Variants in C9orf152 observed in about 807,000 individuals in gnomAD.
C9orf152 encodes uncharacterized protein C9orf152.
A neutral mutation model predicts 8.5 loss-of-function variants in C9orf152; 8 were observed. The observed-to-expected ratio is 0.94, with a 90% CI of 0.55 to 1.70. The LOEUF (loss-of-function observed/expected upper bound fraction) is 1.70. Ranked by LOEUF, C9orf152 falls within the 40% of genes most tolerant of loss-of-function variation. C9orf152 has a pLI of 0.00. For missense variants in C9orf152, 293 were observed against 286.2 expected (o/e 1.02, Z -0.17); for synonymous variants, 109 against 113.0 (o/e 0.96, Z 0.22).
chr9:110,207,657 G>A lies in C9orf152; in HGVS notation c.-78C>T. ...GGAGAGAGAGGGAGGGGGCAGTGAG[G>A]GAGAAGGAGAAGTGACGGGCAAAAG... On this transcript the variant is annotated 5_prime_UTR_variant, in exon 1 of 2. Transcript: ENST00000400613. 1 of 1,110,220 alleles carries A rather than the reference G, an allele frequency of 9.0e-7. No individual in the cohort carries two copies. Among genetic ancestry groups the A allele is most frequent in the Non-Finnish European group, 1.2e-6 (1 of 807,428 alleles). 68.8% of individuals were successfully genotyped at this position (1,110,220 alleles called of 1,614,324 possible).
In C9orf152 at chr9:110,201,089, G is replaced by A; in HGVS notation, c.579C>T (p.Gly193=). Residue 193 remains glycine, a synonymous_variant, in exon 2 of 2, where the codon GGC becomes GGT. Coordinates refer to ENST00000400613, the MANE Select transcript of C9orf152 (RefSeq NM_001012993.3). ...GNTQTKAVES[G]LKFSTQCPLS... Reference sequence around the variant, plus strand: ...GAGGACATTGAGTGCTGAATTTTAAGCCAGATTCCACTGCCTTTGTTTGGG... The same window carrying A: ...GAGGACATTGAGTGCTGAATTTTAAACCAGATTCCACTGCCTTTGTTTGGG... The A allele has an allele frequency of 6.2e-7, 1 of 1,614,216 alleles. No homozygotes were observed. The highest frequency in any genetic ancestry group is 8.5e-7 in the Non-Finnish European group (1 of 1,180,048).
rs1457461962 is a variant in C9orf152, at chr9:110,207,476, G to A, written c.104C>T (p.Pro35Leu). The change falls in exon 1 of 2, where the codon CCC (proline) becomes CTC (leucine). Residue 35 changes from proline (P) to leucine (L), a missense_variant. Coordinates refer to ENST00000400613, the MANE Select transcript of C9orf152 (RefSeq NM_001012993.3). The stretch of plus-strand genomic sequence containing the variant: ...TCGCAGGAACTGGATGCTGAGTGGG[G>A]GCCCTTTCCCAGGGGCCTGAGTCCT... ...GSRTQAPGKG[P>L]PLSIQFLRAQ... 1.6e-5 allele frequency: 26 copies of A among 1,613,354 alleles called. No homozygotes were observed. Among genetic ancestry groups the A allele is most frequent in the Non-Finnish European group, 1.9e-5 (23 of 1,179,726 alleles).
At chr9:110,203,994 GT>G (rs1837248556) in intron 1 of C9orf152, among the ~76,000 whole-genome samples, 1 of 152,136 alleles carries the variant, frequency 6.6e-6, no homozygotes, top group South Asian at 2.1e-4. Context: ...CTGGTCCTGA[GT>G]TCACCACTGA....
rs750026570 is a variant in C9orf152 at position 110,201,108 on chromosome 9, G to A, written c.560C>T (p.Thr187Ile). 11 of 1,614,216 alleles carry A rather than the reference G, an allele frequency of 6.8e-6. No individual in the cohort carries two copies. The African/African-American group carries it at 1.5e-4, about 22-fold the overall frequency. ...TTTTAAGCCAGATTCCACTGCCTTT[G>A]TTTGGGTATTGCCCACCTGGCATGG... The part of the protein sequence containing the change: ...QLPCQVGNTQ[T>I]KAVESGLKFS... The change falls in exon 2 of 2, where the codon ACA becomes ATA. Residue 187 changes from threonine to isoleucine, a missense_variant. Coordinates refer to ENST00000400613, the MANE Select transcript of C9orf152 (RefSeq NM_001012993.3).
At position 110,200,211 on chromosome 9, in the gene C9orf152, AGAAGGAAGGAAG is replaced by A. The variant is rs59664011; in HGVS notation, c.*725_*736del. 6.0e-3 allele frequency: 828 copies of A among 136,970 alleles called. 11 individuals are homozygous for A. The highest frequency in any genetic ancestry group is 0.012 in the African/African-American group (433 of 36,764). 8.5% of individuals were successfully genotyped at this position (136,970 alleles called of 1,614,324 possible). A position where few individuals can be genotyped will look rare whatever the true frequency, so the allele number is the denominator to read the frequency against. On this transcript the variant is annotated 3_prime_UTR_variant, in exon 2 of 2. Coordinates refer to ENST00000400613, the MANE Select transcript of C9orf152 (RefSeq NM_001012993.3). ...GGAAGGGAGGGAGGGAGGGAGAGACAGAAGGAAGGAAGGAAGGAAGGAAGGAAGGAAGGAAGG... is the reference window on the plus strand; with the variant it reads ...GGAAGGGAGGGAGGGAGGGAGAGACAGAAGGAAGGAAGGAAGGAAGGAAGG...
At position 110,201,277 on chromosome 9, in the gene C9orf152, G is replaced by A; in HGVS notation, c.391C>T (p.Pro131Ser). 6.2e-7 allele frequency: 1 copy of A among 1,614,096 alleles called. No homozygotes were observed. Among genetic ancestry groups the A allele is most frequent in the Non-Finnish European group, 8.5e-7 (1 of 1,180,026 alleles). The change falls in exon 2 of 2, where the codon CCC (proline) becomes TCC (serine). Residue 131 changes from proline to serine, a missense_variant. Coordinates refer to ENST00000400613, the MANE Select transcript of C9orf152 (RefSeq NM_001012993.3). ...LEMHCLVQTS[P>S]QDTSHQVHHR... ...TGTACTTGATGACTGGTGTCCTGGG[G>A]GGAGGTTTGGACCAAACAATGCATC...
Position 110,207,556 on chromosome 9 carries a change from G to C in C9orf152, c.24C>G (p.Cys8Trp). 6.2e-7 allele frequency: 1 copy of C among 1,601,280 alleles called. No individual in the cohort carries two copies. ...GCTGCCAGAAGTGGGGCAGGGCTGGGCACGGGCAGGGCAACCCCTCCATCC... is the reference window on the plus strand; with the variant it reads ...GCTGCCAGAAGTGGGGCAGGGCTGGCCACGGGCAGGGCAACCCCTCCATCC... MEGLPCP[C>W]PALPHFWQLR... Residue 8 changes from cysteine (C) to tryptophan (W), a missense_variant, in exon 1 of 2, where the codon TGC (cysteine) becomes TGG (tryptophan). Cys to Trp is a radical substitution (Grantham distance 215). Transcript: ENST00000400613.
chr9:110,201,420 T>C lies in C9orf152; in HGVS notation c.248A>G (p.Lys83Arg). 4 of 1,547,946 alleles carry C rather than the reference T, an allele frequency of 2.6e-6. No individual in the cohort carries two copies. Among genetic ancestry groups the C allele is most frequent in the Non-Finnish European group, 3.5e-6 (4 of 1,153,794 alleles). The change falls in exon 2 of 2, where the codon AAG becomes AGG. Residue 83 changes from lysine (K) to arginine (R), a missense_variant. By Grantham distance (26) the Lys-to-Arg change is conservative. Transcript: ENST00000400613. ...CAGGGACAGTGAGCTTCTTCTCTCC[T>C]TGTTAATCCAAACAGCATTGACCAT... ...ESMVNAVWIN[K>R]ERRSSLSLEE... is the part of the protein sequence containing the mutation.
At chr9:110,204,065 A>G (rs1174789743) in intron 1 of C9orf152, among the ~76,000 whole-genome samples, 2 of 152,184 alleles carry the variant, frequency 1.3e-5, no homozygotes, top group African/African-American at 4.8e-5. Context: ...TTAAAAAGGG[A>G]GCTACCTTAC....
rs1261773128 is a variant in C9orf152, at chr9:110,199,652, T to G, written c.*1296A>C. On this transcript the variant is annotated 3_prime_UTR_variant, in exon 2 of 2. Coordinates refer to ENST00000400613, the MANE Select transcript of C9orf152 (RefSeq NM_001012993.3). ...ACAAAAGGAATGACAATCCCCAAATTTGAGTGGATTTCTGGGTGGTTCAAG... is the reference window on the plus strand; with the variant it reads ...ACAAAAGGAATGACAATCCCCAAATGTGAGTGGATTTCTGGGTGGTTCAAG... The G allele has an allele frequency of 6.6e-6, 1 of 152,152 alleles. No homozygotes were observed. Among genetic ancestry groups the G allele is most frequent in the Non-Finnish European group, 1.5e-5 (1 of 68,032 alleles). 9.4% of individuals were successfully genotyped at this position (152,152 alleles called of 1,614,324 possible).
rs535904838 is a variant in C9orf152, at chr9:110,199,999, A to G, written c.*949T>C. Reference sequence around the variant, plus strand: ...CTAAACAGGAGGCAGTCTATAGGGAATGTGTATTTTTCAAGTAGGAGCATT... The same window carrying G: ...CTAAACAGGAGGCAGTCTATAGGGAGTGTGTATTTTTCAAGTAGGAGCATT... On this transcript the variant is annotated 3_prime_UTR_variant, in exon 2 of 2. Transcript: ENST00000400613. The G allele has an allele frequency of 6.6e-6, 1 of 152,276 alleles. No individual in the cohort carries two copies. Among genetic ancestry groups the G allele is most frequent in the African/African-American group, 2.4e-5 (1 of 41,552 alleles). The allele number at this position is 152,276 out of a possible 1,614,324, so 9.4% of individuals were successfully genotyped here.
Position 110,200,470 on chromosome 9 carries a change from C to T in C9orf152, c.*478G>A, listed in dbSNP as rs983511589. 1.3e-5 allele frequency: 2 copies of T among 153,634 alleles called. No homozygotes were observed. Among genetic ancestry groups the T allele is most frequent in the African/African-American group, 4.8e-5 (2 of 41,436 alleles). 9.5% of individuals were successfully genotyped at this position (153,634 alleles called of 1,614,324 possible). A position where few individuals can be genotyped will look rare whatever the true frequency, so the allele number is the denominator to read the frequency against. ...GAGATGGCCCCCCAGACATAGCCACCAGAAAAAGCATCTGAATTCTCAGAG... is the reference window on the plus strand; with the variant it reads ...GAGATGGCCCCCCAGACATAGCCACTAGAAAAAGCATCTGAATTCTCAGAG... On this transcript the variant is annotated 3_prime_UTR_variant, in exon 2 of 2. Transcript: ENST00000400613.
chr9:110,206,422 A>G (rs937994155), intron 1 of C9orf152, among the ~76,000 whole-genome samples: 1 of 152,254 alleles, frequency 6.6e-6, no homozygotes, highest in Non-Finnish European at 1.5e-5. Context: ...AATACCCTCA[A>G]GGGTGGGATA....
rs886605790 is a variant in C9orf152 at position 110,207,906 on chromosome 9, C to G, written c.-327G>C. The G allele has an allele frequency of 3.9e-5, 9 of 231,788 alleles. No homozygotes were observed. Among genetic ancestry groups the G allele is most frequent in the South Asian group, 1.9e-4 (2 of 10,578 alleles). The allele number at this position is 231,788 out of a possible 1,614,324, so 14.4% of individuals were successfully genotyped here. On this transcript the variant is annotated 5_prime_UTR_variant, in exon 1 of 2. Transcript: ENST00000400613. ...TAGTGACAAGCGGGGATTAATGGGGCGAGAGAAGAAAGAGAGGGAGGAAGA... is the reference window on the plus strand; with the variant it reads ...TAGTGACAAGCGGGGATTAATGGGGGGAGAGAAGAAAGAGAGGGAGGAAGA...
At chr9:110,204,323 A>G (rs1837251888) in intron 1 of C9orf152, among the ~76,000 whole-genome samples, 1 of 152,226 alleles carries the variant, frequency 6.6e-6, no homozygotes, top group Admixed American at 6.5e-5. Context: ...CTGCATTTCC[A>G]GAAGCTGGAT....
In C9orf152 at chr9:110,200,846, T is replaced by C; in HGVS notation, c.*102A>G. Reference sequence around the variant, plus strand: ...ATTCCTATAATTAGGTTAGTCCAGTTCTTGCTCATAGCTAGAGACCTCGTT... The same window carrying C: ...ATTCCTATAATTAGGTTAGTCCAGTCCTTGCTCATAGCTAGAGACCTCGTT... On this transcript the variant is annotated 3_prime_UTR_variant, in exon 2 of 2. Coordinates refer to ENST00000400613, the MANE Select transcript of C9orf152 (RefSeq NM_001012993.3). 1 of 1,164,404 alleles carries C rather than the reference T, an allele frequency of 8.6e-7. No individual in the cohort carries two copies. The allele number at this position is 1,164,404 out of a possible 1,614,324, so 72.1% of individuals were successfully genotyped here.
At chr9:110,206,860 A>G (rs1024731676) in intron 1 of C9orf152, among the ~76,000 whole-genome samples, 1 of 152,174 alleles carries the variant, frequency 6.6e-6, no homozygotes, top group African/African-American at 2.4e-5. Context: ...TGAGTTCCTA[A>G]AGGGAGGAGG....
intron 1 of C9orf152, among the ~76,000 whole-genome samples, chr9:110,202,501 C>T (rs1340064918): frequency 6.6e-6 from 1 of 152,234 alleles, no homozygotes; most frequent in Non-Finnish European, 1.5e-5. Flanking sequence ...ACAGGCACTG[C>T]TCTGGGAGGA....
intron 1 of C9orf152, among the ~76,000 whole-genome samples, chr9:110,203,649 T>A (rs191584871): frequency 6.6e-6 from 1 of 152,218 alleles, no homozygotes; most frequent in Non-Finnish European, 1.5e-5. Context: ...GGTAATTGAC[T>A]GAAGAGTACA....
Sources: gnomAD v4.1 joint callset for allele counts (sites outside exome capture counted in the v4.1 genomes callset) on GRCh38, gnomAD v4.1.1 for gene constraint, MANE v1.5 for transcripts, NCBI Gene and HGNC (gene_info 2026-07-23, HGNC 2026-07-21) for gene names.